PEPD: variants seen among roughly 807,000 people sequenced by gnomAD.
The protein encoded by PEPD is peptidase D.
In PEPD, 53 loss-of-function variants were observed where a neutral mutation model predicts 60.7. The ratio of observed to expected loss-of-function variants is 0.87; its 90% CI spans 0.70 to 1.10. The LOEUF (loss-of-function observed/expected upper bound fraction) is 1.10, where lower values mean the gene tolerates loss of function less well. Among genes scored for constraint, PEPD ranks in the 50% least tolerant of loss-of-function variants. PEPD has a pLI of 0.00. For missense variants in PEPD, 711 were observed against 711.9 expected, an observed-to-expected ratio of 1.00 and a Z score of 0.01; for synonymous variants, 267 against 284.1, an observed-to-expected ratio of 0.94 and a Z score of 0.60.
chr19:33,505,624 A>G (rs1187867429), intron 3 of PEPD, among the ~76,000 whole-genome samples: 1 of 151,868 alleles, frequency 6.6e-6, no homozygotes, highest in Non-Finnish European at 1.5e-5. Flanking sequence ...TCCTGGGGAC[A>G]CTTAGTGGGG....
At chr19:33,490,404 C>T (rs1368708435) in intron 5 of PEPD, among the ~76,000 whole-genome samples, 1 of 152,242 alleles carries the variant, frequency 6.6e-6, no homozygotes, top group South Asian at 2.1e-4. Flanking sequence ...TAAATCTGCT[C>T]TCCCCAGCCT....
chr19:33,466,296 A>C (rs1970015755), intron 7 of PEPD, among the ~76,000 whole-genome samples: 1 of 152,268 alleles, frequency 6.6e-6, no homozygotes. Context: ...GCATTTATTC[A>C]CATGGTACCA....
At chr19:33,455,945 C>T (rs1450770166) in intron 9 of PEPD, among the ~76,000 whole-genome samples, 1 of 152,152 alleles carries the variant, frequency 6.6e-6, no homozygotes, top group East Asian at 1.9e-4. Context: ...AAAGACAATG[C>T]CTATTTATGT....
chr19:33,411,266 T>C (rs986728778), intron 11 of PEPD, among the ~76,000 whole-genome samples: 4 of 152,138 alleles, frequency 2.6e-5, no homozygotes, highest in Non-Finnish European at 5.9e-5. Flanking sequence ...GGAGGCTCCC[T>C]GCGGTCTTCC....
At chr19:33,513,265 C>A (rs1970962777) in intron 1 of PEPD, among the ~76,000 whole-genome samples, 1 of 152,174 alleles carries the variant, frequency 6.6e-6, no homozygotes, top group African/African-American at 2.4e-5. Flanking sequence ...TGGCTCCCTC[C>A]CTCAGCTCAG....
At chr19:33,438,453 G>A (rs1568471325) in intron 9 of PEPD, among the ~76,000 whole-genome samples, 1 of 152,342 alleles carries the variant, frequency 6.6e-6, no homozygotes, top group East Asian at 1.9e-4. Context: ...TCTCTCCCCT[G>A]CCCTTTGCCT....
intron 1 of PEPD, among the ~76,000 whole-genome samples, chr19:33,514,401 AT>A (rs1312205566): frequency 6.6e-6 from 1 of 152,006 alleles, no homozygotes; most frequent in Admixed American, 6.5e-5. Context: ...CCAGGGTCAC[AT>A]GAGCAGGTCA....
At chr19:33,424,302 G>A (rs537856735) in intron 9 of PEPD, among the ~76,000 whole-genome samples, 1 of 152,364 alleles carries the variant, frequency 6.6e-6, no homozygotes, top group South Asian at 2.1e-4. Context: ...TTCAAAGCTC[G>A]CAGTACCCGC....
At chr19:33,474,838 G>C (rs1365690958) in intron 7 of PEPD, among the ~76,000 whole-genome samples, 4 of 152,028 alleles carry the variant, frequency 2.6e-5, no homozygotes, top group Admixed American at 6.6e-5. Context: ...AAATTAGCTG[G>C]ATGTGGTGGC....
At chr19:33,480,813 C>T (rs200772328) in intron 6 of PEPD, among the ~76,000 whole-genome samples, 3 of 127,748 alleles carry the variant, frequency 2.3e-5, no homozygotes, top group African/African-American at 6.5e-5. Flanking sequence ...ATATATATAG[C>T]GTGTGTGTGT....
intron 7 of PEPD, among the ~76,000 whole-genome samples, chr19:33,469,908 T>A (rs1419529293): frequency 2.0e-5 from 3 of 150,982 alleles, no homozygotes; most frequent in Non-Finnish European, 3.0e-5. Flanking sequence ...CCCCTCCCCT[T>A]CTCGCAGAAG....
intron 1 of PEPD, among the ~76,000 whole-genome samples, chr19:33,518,415 G>T (rs1971065098): frequency 6.6e-6 from 1 of 152,172 alleles, no homozygotes; most frequent in African/African-American, 2.4e-5. Flanking sequence ...GACCCAGAAT[G>T]TGAATTCTGC....
At chr19:33,465,047 C>T (rs1015411015) in intron 7 of PEPD, among the ~76,000 whole-genome samples, 1 of 152,162 alleles carries the variant, frequency 6.6e-6, no homozygotes, top group African/African-American at 2.4e-5. Flanking sequence ...GTTTCCCCAT[C>T]TGAAAAACGG....
intron 11 of PEPD, among the ~76,000 whole-genome samples, chr19:33,409,396 C>T (rs1431987749): frequency 6.6e-6 from 1 of 152,182 alleles, no homozygotes. Context: ...GGGCTGGGCA[C>T]CGTGGCTCAC....
chr19:33,417,133 G>A (rs1968906677), intron 9 of PEPD, among the ~76,000 whole-genome samples: 1 of 152,266 alleles, frequency 6.6e-6, no homozygotes, highest in Admixed American at 6.5e-5. Flanking sequence ...CTGCCTGGCA[G>A]CAAGTGTCGG....
At chr19:33,512,556 C>T (rs770257377) in intron 2 of PEPD, 37 bp downstream of exon 2, 24 of 1,600,782 alleles carry the variant, frequency 1.5e-5, no homozygotes, top group Non-Finnish European at 1.8e-5. Context: ...AGCACCATCA[C>T]ACACCTGCTC....
chr19:33,412,065 C>T (rs544616443), intron 10 of PEPD, among the ~76,000 whole-genome samples: 2 of 152,324 alleles, frequency 1.3e-5, no homozygotes, highest in East Asian at 1.9e-4. Context: ...AGCAATGGGC[C>T]GGGTGTGGTG....
In PEPD at chr19:33,521,748, T is replaced by G. The variant is rs1252010868; in HGVS notation, c.13A>C (p.Thr5Pro). MAAA[T>P]GPSFWLGNET... is the part of the protein sequence containing the mutation. ...CGAGGGAGGCGCAGCACTCACCCGG[T>G]GGCCGCCGCCATGTTCGCCCGGCAC... Residue 5 changes from threonine (T) to proline (P), a missense_variant, in exon 1 of 15, where the codon ACC becomes CCC. Physicochemically the swap from Thr to Pro is conservative, Grantham distance 38. Transcript: ENST00000244137. The G allele has an allele frequency of 6.4e-7, 1 of 1,553,056 alleles. No individual in the cohort carries two copies. Among genetic ancestry groups the G allele is most frequent in the Non-Finnish European group, 8.7e-7 (1 of 1,152,768 alleles).
At chr19:33,388,319 G>A (rs1968129641) in intron 13 of PEPD, 2 of 669,198 alleles carry the variant, frequency 3.0e-6, no homozygotes, top group East Asian at 2.7e-5. Flanking sequence ...GGGCTTGCTT[G>A]AGAAGCCCTG....
Sources: gnomAD v4.1 joint callset for allele counts (sites outside exome capture counted in the v4.1 genomes callset) on GRCh38, gnomAD v4.1.1 for gene constraint, MANE v1.5 for transcripts, NCBI Gene and HGNC (gene_info 2026-07-23, HGNC 2026-07-21) for gene names.